Variants in AFG1L observed in about 807,000 individuals in gnomAD.
AFG1L encodes AFG1-like ATPase.
A neutral mutation model predicts 62.2 loss-of-function variants in AFG1L; 53 were observed. The observed-to-expected ratio is 0.85, with a 90% CI of 0.68 to 1.07. The LOEUF (loss-of-function observed/expected upper bound fraction) is 1.07, where lower values mean the gene tolerates loss of function less well. Ranked by LOEUF, AFG1L falls within the 50% of genes least tolerant of loss-of-function variation. AFG1L has a pLI of 0.00. For synonymous variants in AFG1L, 228 were observed against 210.3 expected (o/e 1.08, Z -0.73); for missense variants, 555 against 590.5 (o/e 0.94, Z 0.62).
intron 10 of AFG1L, among the ~76,000 whole-genome samples, chr6:108,479,438 C>T (rs529341000): frequency 4.6e-5 from 7 of 152,202 alleles, no homozygotes; most frequent in Non-Finnish European, 1.5e-5. Context: ...GTGTTTACTA[C>T]ATTACACAAG....
At chr6:108,313,495 G>A (rs1443906424) in intron 1 of AFG1L, among the ~76,000 whole-genome samples, 2 of 152,072 alleles carry the variant, frequency 1.3e-5, no homozygotes, top group Non-Finnish European at 2.9e-5. Flanking sequence ...AACCTACAAT[G>A]CTAACTCCCT....
intron 1 of AFG1L, among the ~76,000 whole-genome samples, chr6:108,315,019 T>G (rs919579559): frequency 7.2e-5 from 11 of 152,138 alleles, no homozygotes; most frequent in Admixed American, 7.2e-4. Context: ...TTTTGTATTT[T>G]TAGTAGAGAC....
At chr6:108,514,908 T>C (rs948103654) in intron 11 of AFG1L, among the ~76,000 whole-genome samples, 2 of 152,186 alleles carry the variant, frequency 1.3e-5, no homozygotes, top group African/African-American at 4.8e-5. Flanking sequence ...AGAAGGCCAT[T>C]ACATAATGGT....
At position 108,524,547 on chromosome 6, in the gene AFG1L, A is replaced by C. The variant is rs1011043788; in HGVS notation, c.*2122A>C. ...CTCAGTGTAGCTTCCCTATAATGTC[A>C]TTTTGGTACGAAAGAACTTAAACCC... On this transcript the variant is annotated 3_prime_UTR_variant, in exon 13 of 13. Coordinates refer to ENST00000368977, the MANE Select transcript of AFG1L (RefSeq NM_145315.5). 5 of 152,204 alleles carry C rather than the reference A, an allele frequency of 3.3e-5. No individual in the cohort carries two copies. The highest frequency in any genetic ancestry group is 3.3e-4 in the Admixed American group (5 of 15,288). 9.4% of individuals were successfully genotyped at this position (152,204 alleles called of 1,614,324 possible).
intron 1 of AFG1L, among the ~76,000 whole-genome samples, chr6:108,314,402 T>C (rs1284177899): frequency 6.6e-6 from 1 of 151,762 alleles, no homozygotes; most frequent in African/African-American, 2.4e-5. Context: ...TCTTCTTTTT[T>C]TTTTTTTTTT....
intron 10 of AFG1L, among the ~76,000 whole-genome samples, chr6:108,503,765 G>T (rs572467827): frequency 6.6e-6 from 1 of 152,332 alleles, no homozygotes; most frequent in South Asian, 2.1e-4. Flanking sequence ...GTCACAGAGG[G>T]CATCTTCTTT....
At chr6:108,359,083 ATCTG>A (rs755823703) in intron 5 of AFG1L, 2 of 152,210 alleles carry the variant, frequency 1.3e-5, no homozygotes, top group Non-Finnish European at 2.9e-5. Context: ...TCCAGCCTGT[ATCTG>A]TCTATTTTGT....
chr6:108,489,089 C>T (rs1773679218), intron 10 of AFG1L, among the ~76,000 whole-genome samples: 1 of 152,222 alleles, frequency 6.6e-6, no homozygotes, highest in South Asian at 2.1e-4. Flanking sequence ...AGGATTGATA[C>T]TGGTGAGTTT....
At chr6:108,427,517 ATTTTTTTT>A (rs34500468) in intron 7 of AFG1L, among the ~76,000 whole-genome samples, 3 of 100,244 alleles carry the variant, frequency 3.0e-5, no homozygotes, top group African/African-American at 8.4e-5. Context: ...TCAAAATGGA[ATTTTTTTT>A]TTTTTTTTTT....
chr6:108,328,612 A>C (rs938781747), intron 2 of AFG1L, among the ~76,000 whole-genome samples: 16 of 151,696 alleles, frequency 1.1e-4, no homozygotes, highest in African/African-American at 3.6e-4. Flanking sequence ...CATGTTGTCC[A>C]GGCTGGTCTT....
intron 6 of AFG1L, among the ~76,000 whole-genome samples, chr6:108,372,253 G>T (rs1163404592): frequency 2.7e-5 from 4 of 150,338 alleles, no homozygotes; most frequent in African/African-American, 4.9e-5. Context: ...GCTAGGAAAA[G>T]ATTTTTATTT....
intron 1 of AFG1L, among the ~76,000 whole-genome samples, chr6:108,307,706 GA>G (rs1175054745): frequency 6.6e-6 from 1 of 152,136 alleles, no homozygotes; most frequent in Non-Finnish European, 1.5e-5. Flanking sequence ...CCAAATAATA[GA>G]ATTGCTGGCT....
chr6:108,306,044 C>T (rs958143717), intron 1 of AFG1L, among the ~76,000 whole-genome samples: 5 of 152,208 alleles, frequency 3.3e-5, no homozygotes, highest in Admixed American at 6.5e-5. Flanking sequence ...GCTGGGACTA[C>T]AGGTGCCTGT....
At chr6:108,412,667 G>A (rs1274814893) in intron 7 of AFG1L, among the ~76,000 whole-genome samples, 1 of 152,152 alleles carries the variant, frequency 6.6e-6, no homozygotes, top group Non-Finnish European at 1.5e-5. Context: ...GCCAAACTAA[G>A]CTTCATAAGT....
chr6:108,437,816 C>T (rs1771375271), intron 7 of AFG1L, among the ~76,000 whole-genome samples: 1 of 152,008 alleles, frequency 6.6e-6, no homozygotes, highest in Non-Finnish European at 1.5e-5. Context: ...TTGTGTAAGA[C>T]TAAAGAAAAA....
chr6:108,375,417 TG>T (rs1780201302), intron 6 of AFG1L, among the ~76,000 whole-genome samples: 1 of 152,196 alleles, frequency 6.6e-6, no homozygotes, highest in African/African-American at 2.4e-5. Context: ...TCAAAGGGAA[TG>T]CTTCCAGTTT....
chr6:108,479,714 G>A (rs1292833790), intron 10 of AFG1L, among the ~76,000 whole-genome samples: 2 of 152,110 alleles, frequency 1.3e-5, no homozygotes, highest in African/African-American at 4.8e-5. Context: ...TATGAGCCAG[G>A]CTAAATAATT....
chr6:108,452,258 T>C (rs746175190), intron 8 of AFG1L, among the ~76,000 whole-genome samples: 3 of 152,196 alleles, frequency 2.0e-5, no homozygotes, highest in Non-Finnish European at 2.9e-5. Context: ...TTATTTTATA[T>C]ATGCATATCT....
chr6:108,388,292 G>A (rs898087005), intron 6 of AFG1L, among the ~76,000 whole-genome samples: 6 of 151,898 alleles, frequency 4.0e-5, no homozygotes, highest in South Asian at 2.1e-4. Context: ...TCTTGCTAGC[G>A]CTCTATCAAT....
Sources: allele counts gnomAD v4.1 joint callset (sites outside exome capture counted in the v4.1 genomes callset), GRCh38; gene constraint gnomAD v4.1.1; transcripts MANE v1.5; gene names NCBI Gene and HGNC (gene_info 2026-07-23, HGNC 2026-07-21).